NRXN1: variants seen among roughly 807,000 people sequenced by gnomAD.
NRXN1 encodes the protein neurexin 1, also known as neurexin-1.
NRXN1 carries 39 observed loss-of-function variants against 150.9 expected under a neutral mutation model. The ratio of observed to expected loss-of-function variants is 0.26; its 90% CI spans 0.20 to 0.34. The LOEUF (loss-of-function observed/expected upper bound fraction) is 0.34. NRXN1 is among the 10% of genes least tolerant of loss of function. The pLI is 1.00. For missense variants in NRXN1, 1,815 were observed against 1,949.9 expected, an observed-to-expected ratio of 0.93 and a Z score of 1.30; for synonymous variants, 924 against 757.0, an observed-to-expected ratio of 1.22 and a Z score of -3.62.
intron 5 of NRXN1, among the ~76,000 whole-genome samples, chr2:50,814,373 C>A (rs965646726): frequency 2.0e-5 from 3 of 152,124 alleles, no homozygotes; most frequent in African/African-American, 7.2e-5. Context: ...TAGTCCTTCA[C>A]CCCTTACCCC....
intron 12 of NRXN1, among the ~76,000 whole-genome samples, chr2:50,508,014 G>A (rs928947789): frequency 6.6e-6 from 1 of 152,066 alleles, no homozygotes; most frequent in African/African-American, 2.4e-5. Flanking sequence ...AGGAGAGCAA[G>A]AGAGATCGAG....
chr2:50,170,023 A>G (rs1025276082), intron 18 of NRXN1, among the ~76,000 whole-genome samples: 1 of 152,020 alleles, frequency 6.6e-6, no homozygotes, highest in African/African-American at 2.4e-5. Flanking sequence ...CCACAGAAAA[A>G]AATATATTTT....
intron 2 of NRXN1, among the ~76,000 whole-genome samples, chr2:50,957,164 T>C (rs1692410898): frequency 6.6e-6 from 1 of 152,124 alleles, no homozygotes; most frequent in Admixed American, 6.6e-5. Context: ...TATTCCATGA[T>C]TAAAAATAAA....
intron 8 of NRXN1, among the ~76,000 whole-genome samples, chr2:50,562,404 G>A (rs1669235253): frequency 6.6e-6 from 1 of 151,782 alleles, no homozygotes; most frequent in African/African-American, 2.4e-5. Context: ...GATCTGCATT[G>A]ACATACTATC....
chr2:50,830,152 A>AT (rs1344668080), intron 5 of NRXN1, among the ~76,000 whole-genome samples: 4 of 151,962 alleles, frequency 2.6e-5, no homozygotes. Context: ...AATGCAGCTC[A>AT]TTTTTATTTA....
intron 18 of NRXN1, among the ~76,000 whole-genome samples, chr2:50,157,226 C>T (rs990986208): frequency 1.3e-5 from 2 of 151,954 alleles, no homozygotes; most frequent in Non-Finnish European, 1.5e-5. Flanking sequence ...GTAAGATATG[C>T]ATGCATTCCC....
intron 8 of NRXN1, among the ~76,000 whole-genome samples, chr2:50,576,170 C>A (rs940211030): frequency 6.6e-6 from 1 of 152,052 alleles, no homozygotes; most frequent in Non-Finnish European, 1.5e-5. Context: ...AAAGAGATAT[C>A]CACACATATG....
intron 21 of NRXN1, among the ~76,000 whole-genome samples, chr2:49,966,269 C>T (rs1383815019): frequency 6.6e-6 from 1 of 152,086 alleles, no homozygotes; most frequent in East Asian, 1.9e-4. Flanking sequence ...GATGTTATTT[C>T]TTCCTATTGT....
intron 18 of NRXN1, among the ~76,000 whole-genome samples, chr2:50,116,547 C>A (rs1319382230): frequency 1.3e-5 from 2 of 151,996 alleles, no homozygotes; most frequent in Admixed American, 6.6e-5. Flanking sequence ...GGGACCCTTC[C>A]AAGGCATTCT....
intron 17 of NRXN1, among the ~76,000 whole-genome samples, chr2:50,283,196 A>C (rs1241432374): frequency 6.6e-6 from 1 of 152,158 alleles, no homozygotes; most frequent in African/African-American, 2.4e-5. Flanking sequence ...TTGTTCTGTA[A>C]ACCTTAGAAG....
intron 5 of NRXN1, among the ~76,000 whole-genome samples, chr2:50,625,933 T>A (rs562723982): frequency 1.3e-5 from 2 of 152,178 alleles, no homozygotes; most frequent in South Asian, 4.1e-4. Context: ...TCGTATGTTA[T>A]TATGAAATCT....
chr2:50,144,154 C>T (rs1259643172), intron 18 of NRXN1, among the ~76,000 whole-genome samples: 1 of 151,876 alleles, frequency 6.6e-6, no homozygotes, highest in Non-Finnish European at 1.5e-5. Flanking sequence ...TGAAGAGGCT[C>T]AGCCCAGGAG....
chr2:50,188,652 A>G (rs2152819534), intron 18 of NRXN1, among the ~76,000 whole-genome samples: 2 of 152,292 alleles, frequency 1.3e-5, no homozygotes, highest in Middle Eastern at 6.8e-3. Context: ...TCCAGAATCT[A>G]CAAGGAACTT....
intron 21 of NRXN1, among the ~76,000 whole-genome samples, chr2:49,973,291 C>T (rs772228509): frequency 2.0e-4 from 31 of 152,152 alleles, no homozygotes; most frequent in East Asian, 5.8e-4. Context: ...ATCCCAGACA[C>T]GCATTTTTTT....
At chr2:50,422,171 G>C (rs892128760) in intron 17 of NRXN1, among the ~76,000 whole-genome samples, 6 of 152,262 alleles carry the variant, frequency 3.9e-5, no homozygotes, top group Admixed American at 3.3e-4. Flanking sequence ...GCATTATTTA[G>C]TCATATCCAA....
intron 3 of NRXN1, among the ~76,000 whole-genome samples, chr2:50,924,044 T>G (rs62142983): frequency 0.089 from 13,451 of 151,862 alleles, 681 homozygotes; most frequent in South Asian, 0.12. Flanking sequence ...GTGTTTTATA[T>G]GCTGATAGTG....
intron 17 of NRXN1, among the ~76,000 whole-genome samples, chr2:50,338,392 A>G (rs566736087): frequency 4.3e-4 from 65 of 152,106 alleles, no homozygotes; most frequent in Non-Finnish European, 7.8e-4. Context: ...TGAGTATGAA[A>G]TAAAAGGAAA....
intron 6 of NRXN1, among the ~76,000 whole-genome samples, chr2:50,622,384 T>C (rs1445176207): frequency 6.6e-6 from 1 of 152,150 alleles, no homozygotes; most frequent in African/African-American, 2.4e-5. Flanking sequence ...ATCCGGTCAT[T>C]CTGCAACTGT....
intron 5 of NRXN1, among the ~76,000 whole-genome samples, chr2:50,839,876 T>C (rs879731285): frequency 1.3e-5 from 2 of 152,102 alleles, no homozygotes; most frequent in African/African-American, 4.8e-5. Flanking sequence ...AATATGGTTG[T>C]TGCTATTTTA....
Sources: allele counts gnomAD v4.1 joint callset (sites outside exome capture counted in the v4.1 genomes callset), GRCh38; gene constraint gnomAD v4.1.1; transcripts MANE v1.5; gene names NCBI Gene and HGNC (gene_info 2026-07-23, HGNC 2026-07-21).